Variants in CFDP1 observed in about 807,000 individuals in gnomAD.
CFDP1 encodes the protein chromatin remodeling protein CFDP1, also known as heterochromatin-stabilizing protein CFDP1.
Under a neutral mutation model 40.1 loss-of-function variants are expected in CFDP1, and 31 were observed. That is an observed-to-expected ratio of 0.77 (90% confidence interval 0.58 to 1.04). CFDP1 has a LOEUF of 1.04. CFDP1 is among the 50% of genes least tolerant of loss of function. The pLI is 0.00. For synonymous variants in CFDP1, 167 were observed against 120.0 expected (o/e 1.39, Z -2.56); for missense variants, 423 against 343.4 (o/e 1.23, Z -1.83).
intron 5 of CFDP1, among the ~76,000 whole-genome samples, chr16:75,311,251 C>A (rs960990827): frequency 6.6e-6 from 1 of 152,180 alleles, no homozygotes; most frequent in Non-Finnish European, 1.5e-5. Flanking sequence ...TTGCTTGGTG[C>A]TAGATTTAAG....
chr16:75,404,123 C>T (rs925978314), intron 4 of CFDP1, among the ~76,000 whole-genome samples: 1 of 151,450 alleles, frequency 6.6e-6, no homozygotes, highest in Non-Finnish European at 1.5e-5. Flanking sequence ...CAGAGTAAGA[C>T]CGTGTCTCAA....
chr16:75,382,887 G>A (rs2078863737), intron 5 of CFDP1, among the ~76,000 whole-genome samples: 1 of 152,114 alleles, frequency 6.6e-6, no homozygotes, highest in Admixed American at 6.5e-5. Flanking sequence ...AAGCAGCTAG[G>A]ACTAAAAGAT....
chr16:75,430,745 C>G (rs1363387068), intron 1 of CFDP1, among the ~76,000 whole-genome samples: 1 of 152,086 alleles, frequency 6.6e-6, no homozygotes, highest in African/African-American at 2.4e-5. Context: ...ATTATAGGCT[C>G]GAGCCACTGC....
intron 5 of CFDP1, among the ~76,000 whole-genome samples, chr16:75,353,748 CAAAAAAAAAAAAAA>C (rs3975152): frequency 1.7e-4 from 12 of 72,326 alleles, no homozygotes; most frequent in South Asian, 5.3e-4. Flanking sequence ...AAGTCCGTCT[CAAAAAAAAAAAAAA>C]AAAAAAAAAA....
intron 1 of CFDP1, among the ~76,000 whole-genome samples, chr16:75,416,464 T>C (rs76387079): frequency 7.1e-6 from 1 of 141,468 alleles, no homozygotes; most frequent in African/African-American, 2.6e-5. Flanking sequence ...AAAAGAGATT[T>C]AAAAAAAAAA....
chr16:75,387,379 G>A (rs1007411495), intron 5 of CFDP1, among the ~76,000 whole-genome samples: 4 of 152,142 alleles, frequency 2.6e-5, no homozygotes, highest in Non-Finnish European at 4.4e-5. Flanking sequence ...CTGACCTCGT[G>A]ATCCACCCGC....
At chr16:75,417,992 G>A (rs775080288) in intron 1 of CFDP1, among the ~76,000 whole-genome samples, 1 of 152,074 alleles carries the variant, frequency 6.6e-6, no homozygotes, top group Non-Finnish European at 1.5e-5. Context: ...GGTGGCTCAT[G>A]TCTGTAATCC....
At chr16:75,377,713 AAC>A (rs1186535235) in intron 5 of CFDP1, among the ~76,000 whole-genome samples, 1 of 152,232 alleles carries the variant, frequency 6.6e-6, no homozygotes, top group Non-Finnish European at 1.5e-5. Context: ...CAGAAAGGCC[AAC>A]AGTTTGCTTC....
At chr16:75,382,290 C>T (rs987902587) in intron 5 of CFDP1, among the ~76,000 whole-genome samples, 1 of 152,180 alleles carries the variant, frequency 6.6e-6, no homozygotes, top group Non-Finnish European at 1.5e-5. Flanking sequence ...AAATAAAAGT[C>T]TTTGTCACAG....
intron 5 of CFDP1, among the ~76,000 whole-genome samples, chr16:75,322,522 T>G (rs1161406037): frequency 6.6e-6 from 1 of 152,226 alleles, no homozygotes; most frequent in African/African-American, 2.4e-5. Flanking sequence ...AGCATGTTAC[T>G]GTACTAAGTA....
chr16:75,332,740 CAT>C (rs1488000286), intron 5 of CFDP1, among the ~76,000 whole-genome samples: 1 of 149,542 alleles, frequency 6.7e-6, no homozygotes, highest in African/African-American at 2.4e-5. Flanking sequence ...TATATAAAAA[CAT>C]ATTTCAGATA....
chr16:75,383,388 A>C (rs1357058418), intron 5 of CFDP1, among the ~76,000 whole-genome samples: 1 of 152,222 alleles, frequency 6.6e-6, no homozygotes, highest in Non-Finnish European at 1.5e-5. Flanking sequence ...AAGAACTTTA[A>C]TCAGAACATA....
At chr16:75,314,148 G>A (rs8056473) in intron 5 of CFDP1, among the ~76,000 whole-genome samples, 9 of 151,926 alleles carry the variant, frequency 5.9e-5, no homozygotes, top group South Asian at 2.1e-4. Context: ...GCCTCCCAAA[G>A]TGCAGAGATT....
At chr16:75,386,501 G>T (rs1181163467) in intron 5 of CFDP1, among the ~76,000 whole-genome samples, 1 of 152,200 alleles carries the variant, frequency 6.6e-6, no homozygotes, top group Non-Finnish European at 1.5e-5. Flanking sequence ...CAGGCAGGTG[G>T]ATTGCTTGAG....
intron 5 of CFDP1, among the ~76,000 whole-genome samples, chr16:75,390,988 A>G (rs1197424171): frequency 1.3e-5 from 2 of 152,236 alleles, no homozygotes; most frequent in East Asian, 1.9e-4. Flanking sequence ...CCTAATGCAG[A>G]TATCATCTCA....
chr16:75,423,280 C>CAA (rs34137868), intron 1 of CFDP1, among the ~76,000 whole-genome samples: 4,186 of 109,212 alleles, frequency 0.038, 77 homozygotes, highest in Non-Finnish European at 0.053. Flanking sequence ...GACTCCGTCT[C>CAA]AAAAAAAAAA....
At chr16:75,304,135 C>T (rs2078242360) in intron 6 of CFDP1, among the ~76,000 whole-genome samples, 1 of 152,232 alleles carries the variant, frequency 6.6e-6, no homozygotes, top group East Asian at 1.9e-4. Flanking sequence ...GTGGTTCAGT[C>T]TTGGCTCACT....
At chr16:75,422,678 A>G (rs2079293752) in intron 1 of CFDP1, among the ~76,000 whole-genome samples, 2 of 151,922 alleles carry the variant, frequency 1.3e-5, no homozygotes, top group Non-Finnish European at 2.9e-5. Context: ...TACAGGTCAG[A>G]GCCACCACAT....
At chr16:75,431,002 A>C (rs1213795784) in intron 1 of CFDP1, among the ~76,000 whole-genome samples, 2 of 152,156 alleles carry the variant, frequency 1.3e-5, no homozygotes. Flanking sequence ...TTAGAATTTT[A>C]TTTTTGGTTT....
Sources: allele counts gnomAD v4.1 joint callset (sites outside exome capture counted in the v4.1 genomes callset), GRCh38; gene constraint gnomAD v4.1.1; transcripts MANE v1.5; gene names NCBI Gene and HGNC (gene_info 2026-07-23, HGNC 2026-07-21).